Variants in CD6 observed in about 807,000 individuals in gnomAD.
The protein encoded by CD6 is CD6 molecule.
CD6 carries 53 observed loss-of-function variants against 75.3 expected under a neutral mutation model. The observed-to-expected ratio is 0.70, with a 90% CI of 0.56 to 0.88. CD6 has a LOEUF of 0.88. Ranked by LOEUF, CD6 falls within the 40% of genes least tolerant of loss-of-function variation. CD6 has a pLI of 0.00. For synonymous variants in CD6, 359 were observed against 381.5 expected (o/e 0.94, Z 0.69); for missense variants, 770 against 897.1 (o/e 0.86, Z 1.81).
At chr11:61,015,932 T>C in intron 9 of CD6, 97 bp downstream of exon 9, 1 of 1,421,142 alleles carries the variant, frequency 7.0e-7, no homozygotes, top group South Asian at 1.2e-5. Context: ...TAGTAACCCC[T>C]GCATGATGCA....
chr11:60,983,849 CTCAGATTT>C (rs1565143823), intron 1 of CD6, among the ~76,000 whole-genome samples: 1 of 152,162 alleles, frequency 6.6e-6, no homozygotes, highest in East Asian at 1.9e-4. Context: ...GGAATGATTT[CTCAGATTT>C]TCTTTCTCTT....
intron 1 of CD6, among the ~76,000 whole-genome samples, chr11:60,982,457 A>G (rs1268121522): frequency 6.6e-6 from 1 of 152,166 alleles, no homozygotes; most frequent in Non-Finnish European, 1.5e-5. Context: ...TCTGCACTTC[A>G]GTACCCTTTT....
intron 8 of CD6, chr11:61,015,442 A>G (rs1406547276): frequency 1.5e-5 from 6 of 388,478 alleles, no homozygotes; most frequent in Non-Finnish European, 1.9e-5. Context: ...GTGATGGTGC[A>G]TGCCTGTGGT....
intron 6 of CD6, among the ~76,000 whole-genome samples, chr11:61,011,598 G>A (rs1590721293): frequency 6.6e-6 from 1 of 152,200 alleles, no homozygotes; most frequent in Non-Finnish European, 1.5e-5. Flanking sequence ...AATCCTCTTG[G>A]TAGCCAAATG....
intron 1 of CD6, among the ~76,000 whole-genome samples, chr11:60,978,732 G>T (rs1170474342): frequency 1.3e-5 from 2 of 152,180 alleles, no homozygotes. Context: ...GCATCCTGTC[G>T]TATAGAATCA....
chr11:60,998,337 C>CAAATA (rs1858405175), intron 1 of CD6, among the ~76,000 whole-genome samples: 1 of 152,182 alleles, frequency 6.6e-6, no homozygotes, highest in African/African-American at 2.4e-5. Flanking sequence ...ACAGTAAGTG[C>CAAATA]TCAAGAGATG....
At chr11:60,983,371 C>A (rs1330640474) in intron 1 of CD6, among the ~76,000 whole-genome samples, 1 of 152,114 alleles carries the variant, frequency 6.6e-6, no homozygotes, top group South Asian at 2.1e-4. Flanking sequence ...GGATTACAGA[C>A]GCGAGCCACT....
chr11:61,008,099 C>A (rs961306741), intron 3 of CD6, among the ~76,000 whole-genome samples, 189 bp downstream of exon 3: 1 of 152,150 alleles, frequency 6.6e-6, no homozygotes, highest in African/African-American at 2.4e-5. Context: ...CTGAGCGTTT[C>A]CTTGGATCTG....
At position 61,018,360 on chromosome 11, in the gene CD6, C is replaced by T; in HGVS notation, c.1909C>T (p.Gln637Ter). Reference sequence around the variant, plus strand: ...GTACCAGAACTTCCAGCCACCACCCCAGCCCCCTTCGGAGGAGCAGTTTGG... The same window carrying T: ...GTACCAGAACTTCCAGCCACCACCCTAGCCCCCTTCGGAGGAGCAGTTTGG... The part of the protein sequence containing the change: ...EWYQNFQPPP[Q>*]PPSEEQFGCP... The change falls in exon 12 of 13, where the codon CAG (glutamine) becomes TAG (stop). Residue 637 changes from glutamine to a stop codon, truncating the protein, a stop_gained. Coordinates refer to ENST00000313421, the MANE Select transcript of CD6 (RefSeq NM_006725.5). LOFTEE classifies it low-confidence loss of function (END_TRUNC). 1.2e-6 allele frequency: 2 copies of T among 1,605,136 alleles called. No homozygotes were observed. Among genetic ancestry groups the T allele is most frequent in the Middle Eastern group, 1.7e-4 (1 of 6,004 alleles).
At chr11:60,995,719 G>A (rs1284612590) in intron 1 of CD6, among the ~76,000 whole-genome samples, 2 of 152,100 alleles carry the variant, frequency 1.3e-5, no homozygotes, top group Non-Finnish European at 2.9e-5. Flanking sequence ...AGACTATTAA[G>A]TCTCATCTTT....
chr11:61,015,665 C>T (rs745375895), intron 8 of CD6, 48 bp from the exon 9 acceptor site: 4 of 1,610,748 alleles, frequency 2.5e-6, no homozygotes, highest in South Asian at 2.2e-5. Context: ...CTCCCTACAC[C>T]TTTCCGCCCA....
Position 61,019,392 on chromosome 11 carries a change from T to G in CD6, c.*74T>G, listed in dbSNP as rs915133020. 39 of 1,160,994 alleles carry G rather than the reference T, an allele frequency of 3.4e-5. No individual in the cohort carries two copies. In the South Asian group the frequency reaches 5.2e-4, roughly 16 times the overall value. The allele number at this position is 1,160,994 out of a possible 1,614,324, so 71.9% of individuals were successfully genotyped here. A position where few individuals can be genotyped will look rare whatever the true frequency, so the allele number is the denominator to read the frequency against. On this transcript the variant is annotated 3_prime_UTR_variant, in exon 13 of 13. Transcript: ENST00000313421. Reference sequence around the variant, plus strand: ...TGCTCTACCTACTCCCTTTCCCCTTTCCCACCCTCCCAGCTCACCTCCCCA... The same window carrying G: ...TGCTCTACCTACTCCCTTTCCCCTTGCCCACCCTCCCAGCTCACCTCCCCA...
intron 1 of CD6, among the ~76,000 whole-genome samples, chr11:60,987,216 T>C (rs1364202738): frequency 6.6e-6 from 1 of 152,250 alleles, no homozygotes; most frequent in Admixed American, 6.5e-5. Flanking sequence ...TCTGAGAAGC[T>C]GTTCTCTTCT....
Position 61,020,083 on chromosome 11 carries a change from G to A in CD6, c.*765G>A. ...CTGAGTTTCCTATGGTTTACAAAGA[G>A]GGCCCCAGCCCAGCCCCACCACAGA... is the stretch of plus-strand genomic sequence containing the variant. On this transcript the variant is annotated 3_prime_UTR_variant, in exon 13 of 13. Transcript: ENST00000313421. The A allele has an allele frequency of 2.5e-6, 1 of 398,566 alleles. No homozygotes were observed. The highest frequency in any genetic ancestry group is 4.4e-6 in the Non-Finnish European group (1 of 226,140). 24.7% of individuals were successfully genotyped at this position (398,566 alleles called of 1,614,324 possible). A position where few individuals can be genotyped will look rare whatever the true frequency, so the allele number is the denominator to read the frequency against.
chr11:61,010,919 G>A (rs1859109407), intron 5 of CD6, 151 bp from the exon 6 acceptor site: 3 of 651,772 alleles, frequency 4.6e-6, no homozygotes, highest in Non-Finnish European at 8.3e-6. Flanking sequence ...GTAGGGGAGG[G>A]AGGTAAGTTT....
At chr11:60,973,669 G>T (rs563165445) in intron 1 of CD6, among the ~76,000 whole-genome samples, 17 of 152,316 alleles carry the variant, frequency 1.1e-4, no homozygotes, top group African/African-American at 3.8e-4. Flanking sequence ...TGTGAAAGGG[G>T]TGATGAGGAG....
chr11:61,016,222 T>C lies in CD6; in HGVS notation c.1510+387T>C, dbSNP rs188849132. On this transcript the variant is annotated intron_variant, in intron 9 of 12. Coordinates refer to ENST00000313421, the MANE Select transcript of CD6 (RefSeq NM_006725.5). ...TATCCCTCCGTGTCCCATCCTGCCC[T>C]GTCTGACCCCATCAGCCCCACTCAC... Among the ~76,000 whole-genome samples the C allele has an allele frequency of 6.7e-3, 1,026 of 152,334 alleles. 2 individuals are homozygous for C. Among genetic ancestry groups the C allele is most frequent in the Non-Finnish European group, 0.011 (722 of 68,028 alleles).
chr11:60,989,092 T>C (rs2135061283), intron 1 of CD6, among the ~76,000 whole-genome samples: 1 of 152,308 alleles, frequency 6.6e-6, no homozygotes, highest in East Asian at 1.9e-4. Context: ...GAATGCCTTC[T>C]TAACTCTTGC....
chr11:60,980,291 C>A (rs1490639231), intron 1 of CD6, among the ~76,000 whole-genome samples: 1 of 151,900 alleles, frequency 6.6e-6, no homozygotes, highest in Non-Finnish European at 1.5e-5. Flanking sequence ...AGGCCGAAGT[C>A]CAAGAGTTCC....
Sources: allele counts gnomAD v4.1 joint callset (sites outside exome capture counted in the v4.1 genomes callset), GRCh38; gene constraint gnomAD v4.1.1; transcripts MANE v1.5; gene names NCBI Gene and HGNC (gene_info 2026-07-23, HGNC 2026-07-21).